APBB1IP: variants seen among roughly 807,000 people sequenced by gnomAD.
The protein encoded by APBB1IP is amyloid beta A4 precursor protein-binding family B member 1-interacting protein.
Under a neutral mutation model 64.9 loss-of-function variants are expected in APBB1IP, and 27 were observed. The observed-to-expected ratio is 0.42, with a 90% CI of 0.31 to 0.57. The LOEUF is 0.57. APBB1IP is among the 20% of genes least tolerant of loss of function. The pLI, the probability that APBB1IP is intolerant of heterozygous loss-of-function variation, is 0.20. For synonymous variants in APBB1IP, 392 were observed against 331.0 expected (o/e 1.18, Z -2.00); for missense variants, 812 against 845.5 (o/e 0.96, Z 0.49).
chr10:26,450,653 G>A (rs1461950060), intron 2 of APBB1IP, among the ~76,000 whole-genome samples: 1 of 149,454 alleles, frequency 6.7e-6, no homozygotes, highest in Non-Finnish European at 1.5e-5. Context: ...TAAATGTAAA[G>A]TTGTTCCCTG....
intron 4 of APBB1IP, among the ~76,000 whole-genome samples, chr10:26,497,279 C>T (rs1455867594): frequency 6.6e-6 from 1 of 152,152 alleles, no homozygotes; most frequent in African/African-American, 2.4e-5. Flanking sequence ...AGGCCAGGCG[C>T]AGTGGCTCAC....
chr10:26,444,272 C>T (rs6482561), intron 2 of APBB1IP, among the ~76,000 whole-genome samples: 58,962 of 151,780 alleles, frequency 0.39, 11,638 homozygotes, highest in South Asian at 0.49. Flanking sequence ...ATGAGAAGGG[C>T]GAGGAGATAG....
At chr10:26,559,202 A>C (rs779710436) in intron 11 of APBB1IP, among the ~76,000 whole-genome samples, 8 of 152,196 alleles carry the variant, frequency 5.3e-5, no homozygotes, top group Non-Finnish European at 1.0e-4. Context: ...GATAGAGACA[A>C]GATAGAGGTG....
chr10:26,456,436 G>T (rs1835526103), intron 2 of APBB1IP, among the ~76,000 whole-genome samples: 1 of 152,114 alleles, frequency 6.6e-6, no homozygotes, highest in South Asian at 2.1e-4. Flanking sequence ...GTTGATGCGG[G>T]TTGGACTATG....
chr10:26,505,807 C>T lies in APBB1IP; in HGVS notation c.531+2533C>T, dbSNP rs116844936. 4.5e-3 allele frequency among the ~76,000 whole-genome samples: 687 copies of T among 151,920 alleles called. 4 individuals are homozygous for T. The highest frequency in any genetic ancestry group is 6.9e-3 in the Non-Finnish European group (471 of 67,990). ...AATGGATAAATCATTATGTTTCTGC[C>T]GAGGGCCAGACTCTTCTCTTGGGCT... On this transcript the variant is annotated intron_variant, in intron 6 of 14. Transcript: ENST00000376236.
At chr10:26,494,593 C>A (rs188839503) in intron 3 of APBB1IP, among the ~76,000 whole-genome samples, 2 of 152,122 alleles carry the variant, frequency 1.3e-5, no homozygotes, top group Non-Finnish European at 2.9e-5. Flanking sequence ...TTTGGGAGGC[C>A]GAGGTGAGTG....
chr10:26,527,077 G>T (rs1181325416), intron 8 of APBB1IP, among the ~76,000 whole-genome samples: 1 of 152,218 alleles, frequency 6.6e-6, no homozygotes, highest in African/African-American at 2.4e-5. Context: ...ACCAAGGGCA[G>T]TCTCTGACCA....
At chr10:26,486,603 G>A (rs1835894476) in intron 2 of APBB1IP, among the ~76,000 whole-genome samples, 2 of 152,102 alleles carry the variant, frequency 1.3e-5, no homozygotes, top group Non-Finnish European at 2.9e-5. Flanking sequence ...ATGCAATAAA[G>A]GCCGCCCTCA....
At chr10:26,545,572 A>G (rs1445587964) in intron 11 of APBB1IP, among the ~76,000 whole-genome samples, 2 of 152,140 alleles carry the variant, frequency 1.3e-5, no homozygotes, top group Non-Finnish European at 1.5e-5. Context: ...CATCCTGGCT[A>G]ACACGGTGAA....
chr10:26,465,066 A>G (rs1835632827), intron 2 of APBB1IP, among the ~76,000 whole-genome samples: 1 of 152,190 alleles, frequency 6.6e-6, no homozygotes, highest in Non-Finnish European at 1.5e-5. Context: ...GCTTTCTCGC[A>G]CAGCTGTAAG....
At position 26,567,155 on chromosome 10, in the gene APBB1IP, G is replaced by A; in HGVS notation, c.1668G>A (p.Pro556=). The A allele has an allele frequency of 7.1e-7, 1 of 1,412,130 alleles. No homozygotes were observed. Among genetic ancestry groups the A allele is most frequent in the Admixed American group, 3.0e-5 (1 of 32,850 alleles). The allele number at this position is 1,412,130 out of a possible 1,614,324, so 87.5% of individuals were successfully genotyped here. Residue 556 remains proline (P), a synonymous_variant, in exon 15 of 15, where the codon CCG becomes CCA. Coordinates refer to ENST00000376236, the MANE Select transcript of APBB1IP (RefSeq NM_019043.4). Reference sequence around the variant, plus strand: ...CCCCACCCGACGACTTCCTGCCGCCGCCGCCACCGCCGCCGCCCCTCGATG... The same window carrying A: ...CCCCACCCGACGACTTCCTGCCGCCACCGCCACCGCCGCCGCCCCTCGATG... The part of the protein sequence containing the change: ...LPAPPDDFLP[P]PPPPPPLDDP...
chr10:26,529,780 A>G (rs909445933), intron 8 of APBB1IP, among the ~76,000 whole-genome samples: 1 of 152,148 alleles, frequency 6.6e-6, no homozygotes, highest in Non-Finnish European at 1.5e-5. Flanking sequence ...AGCTGGGATT[A>G]CAGGCGCCCA....
At chr10:26,561,060 C>CTTTT (rs1836962861) in intron 13 of APBB1IP, among the ~76,000 whole-genome samples, 3 of 105,152 alleles carry the variant, frequency 2.9e-5, no homozygotes, top group African/African-American at 7.4e-5. Context: ...TTCTTTCTTT[C>CTTTT]TTTCTTTTTT....
chr10:26,516,543 C>CAAAAAAAAAAA lies in APBB1IP; in HGVS notation c.813+2891_813+2901dup, dbSNP rs71401901. Among the ~76,000 whole-genome samples the CAAAAAAAAAAA allele has an allele frequency of 2.9e-3, 135 of 47,172 alleles. 17 individuals carry two copies. Among genetic ancestry groups the CAAAAAAAAAAA allele is most frequent in the East Asian group, 6.4e-3 (5 of 782 alleles). 30.9% of individuals were successfully genotyped at this position (47,172 alleles called of 152,430 possible). A position where few individuals can be genotyped will look rare whatever the true frequency, so the allele number is the denominator to read the frequency against. On this transcript the variant is annotated intron_variant, in intron 8 of 14. Coordinates refer to ENST00000376236, the MANE Select transcript of APBB1IP (RefSeq NM_019043.4). ...TGGGTGACAGAGCAAGACTCCATCTCAAAAAAAAAAAAAAAAAAGTAAAGC... is the reference window on the plus strand; with the variant it reads ...TGGGTGACAGAGCAAGACTCCATCTCAAAAAAAAAAAAAAAAAAAAAAAAAAAAAGTAAAGC...
rs1430389151 is a variant in APBB1IP, at chr10:26,501,030, T to C, written c.372T>C (p.Tyr124=). The C allele has an allele frequency of 1.2e-6, 2 of 1,614,094 alleles. No homozygotes were observed. The highest frequency in any genetic ancestry group is 2.7e-5 in the African/African-American group (2 of 74,930). The change falls in exon 5 of 15, where the codon TAT becomes TAC. Residue 124 remains tyrosine, a synonymous_variant. Coordinates refer to ENST00000376236, the MANE Select transcript of APBB1IP (RefSeq NM_019043.4). ...TNVAATGISQ[Y]EDDLPPPPAD... The stretch of plus-strand genomic sequence containing the variant: ...TTGCTGCCACTGGTATCAGCCAATA[T>C]GAGGATGACTTACCACCTCCACCAG...
chr10:26,532,468 T>A (rs1391257416), intron 8 of APBB1IP, among the ~76,000 whole-genome samples: 1 of 152,106 alleles, frequency 6.6e-6, no homozygotes, highest in Non-Finnish European at 1.5e-5. Context: ...AGTTCTTTTA[T>A]TTCTTTATTT....
intron 2 of APBB1IP, among the ~76,000 whole-genome samples, chr10:26,483,170 G>T (rs1415182871): frequency 7.1e-6 from 1 of 141,286 alleles, no homozygotes; most frequent in African/African-American, 2.6e-5. Context: ...AACATAGAAA[G>T]ATGTACAGTA....
intron 8 of APBB1IP, among the ~76,000 whole-genome samples, chr10:26,529,094 C>T (rs76211631): frequency 0.079 from 12,077 of 152,298 alleles, 577 homozygotes; most frequent in Non-Finnish European, 0.11. Context: ...CCAAATGTTG[C>T]ACTCCCAGAA....
At chr10:26,462,671 T>C (rs1835606564) in intron 2 of APBB1IP, among the ~76,000 whole-genome samples, 1 of 152,310 alleles carries the variant, frequency 6.6e-6, no homozygotes, top group South Asian at 2.1e-4. Flanking sequence ...TAAGTAATAG[T>C]GATTTGTTGT....
Sources: allele counts gnomAD v4.1 joint callset (sites outside exome capture counted in the v4.1 genomes callset), GRCh38; gene constraint gnomAD v4.1.1; transcripts MANE v1.5; gene names NCBI Gene and HGNC (gene_info 2026-07-23, HGNC 2026-07-21).